The following RNGTT variants were observed in gnomAD, a reference collection of about 807,000 sequenced individuals.
RNGTT encodes the protein mRNA-capping enzyme.
A neutral mutation model predicts 79.3 loss-of-function variants in RNGTT; 33 were observed. The ratio of observed to expected loss-of-function variants is 0.42; its 90% CI spans 0.32 to 0.56. The LOEUF (loss-of-function observed/expected upper bound fraction) is 0.56. Among genes scored for constraint, RNGTT ranks in the 20% least tolerant of loss-of-function variants. RNGTT has a pLI of 0.17. For missense variants in RNGTT, 497 were observed against 739.1 expected, an observed-to-expected ratio of 0.67 and a Z score of 3.80; for synonymous variants, 222 against 235.9, an observed-to-expected ratio of 0.94 and a Z score of 0.54.
intron 11 of RNGTT, among the ~76,000 whole-genome samples, chr6:88,843,193 C>G (rs1781360456): frequency 6.6e-6 from 1 of 151,136 alleles, no homozygotes; most frequent in Non-Finnish European, 1.5e-5. Flanking sequence ...AATGAGCTCT[C>G]TCATCTGCTG....
At chr6:88,761,931 T>G (rs1428442244) in intron 13 of RNGTT, among the ~76,000 whole-genome samples, 4 of 152,042 alleles carry the variant, frequency 2.6e-5, no homozygotes, top group African/African-American at 9.7e-5. Flanking sequence ...AAAGTAAGTG[T>G]CTGGTAACCC....
chr6:88,644,415 C>T (rs1355054805), intron 14 of RNGTT, among the ~76,000 whole-genome samples: 1 of 151,980 alleles, frequency 6.6e-6, no homozygotes, highest in South Asian at 2.1e-4. Flanking sequence ...CCGAATTCTA[C>T]CAGAGGTACA....
intron 6 of RNGTT, among the ~76,000 whole-genome samples, 169 bp downstream of exon 6, chr6:88,904,546 A>G (rs2127942421): frequency 6.6e-6 from 1 of 151,962 alleles, no homozygotes. Context: ...TGGGCAACAG[A>G]GCAAAACTTT....
intron 12 of RNGTT, among the ~76,000 whole-genome samples, chr6:88,773,584 C>T (rs983930218): frequency 1.3e-5 from 2 of 150,474 alleles, no homozygotes; most frequent in Non-Finnish European, 3.0e-5. Flanking sequence ...CTACAGTAAT[C>T]AAAACAGGTG....
chr6:88,896,340 A>T (rs1783246387), intron 6 of RNGTT, among the ~76,000 whole-genome samples: 1 of 152,154 alleles, frequency 6.6e-6, no homozygotes, highest in South Asian at 2.1e-4. Context: ...AATAACCCCT[A>T]ACTCAATCTG....
intron 10 of RNGTT, 103 bp downstream of exon 10, chr6:88,849,652 A>G (rs1211243164): frequency 1.1e-5 from 12 of 1,081,584 alleles, no homozygotes; most frequent in South Asian, 1.0e-4. Flanking sequence ...CTGAGTCACA[A>G]ATTTTCTTTC....
At chr6:88,759,269 G>C (rs2127834911) in intron 13 of RNGTT, among the ~76,000 whole-genome samples, 1 of 152,270 alleles carries the variant, frequency 6.6e-6, no homozygotes, top group South Asian at 2.1e-4. Context: ...TGTTTTTGTT[G>C]GGTTGGGGAT....
At chr6:88,873,631 T>C (rs2127922521) in intron 8 of RNGTT, among the ~76,000 whole-genome samples, 1 of 152,222 alleles carries the variant, frequency 6.6e-6, no homozygotes, top group South Asian at 2.1e-4. Context: ...GCAGCAACCA[T>C]CTCTAACTGG....
intron 8 of RNGTT, among the ~76,000 whole-genome samples, chr6:88,877,392 A>G (rs1185255571): frequency 1.3e-5 from 2 of 152,258 alleles, no homozygotes; most frequent in Non-Finnish European, 2.9e-5. Context: ...GAGGCACTAC[A>G]GATAGCGGCT....
At chr6:88,885,610 A>G (rs994363549) in intron 8 of RNGTT, among the ~76,000 whole-genome samples, 4 of 152,244 alleles carry the variant, frequency 2.6e-5, no homozygotes, top group African/African-American at 9.6e-5. Context: ...AATGTTAAAA[A>G]TAATGGCGAA....
intron 11 of RNGTT, among the ~76,000 whole-genome samples, chr6:88,840,179 A>G (rs1781227945): frequency 6.6e-6 from 1 of 152,204 alleles, no homozygotes. Context: ...GCAAAGATAA[A>G]AATCTCCACA....
intron 14 of RNGTT, among the ~76,000 whole-genome samples, chr6:88,671,378 T>C (rs1183824103): frequency 6.6e-6 from 1 of 152,136 alleles, no homozygotes; most frequent in African/African-American, 2.4e-5. Flanking sequence ...ATAAAATACT[T>C]AGGAATATAC....
intron 2 of RNGTT, among the ~76,000 whole-genome samples, chr6:88,929,915 T>C (rs114353497): frequency 1.9e-3 from 280 of 146,756 alleles, no homozygotes; most frequent in African/African-American, 6.3e-3. Flanking sequence ...TATGCATATA[T>C]ACACGTATAT....
chr6:88,674,991 G>A (rs946754900), intron 14 of RNGTT, among the ~76,000 whole-genome samples: 11 of 151,812 alleles, frequency 7.2e-5, no homozygotes, highest in Admixed American at 3.3e-4. Flanking sequence ...TCAGCTACTC[G>A]GGAGGCTGAG....
At chr6:88,882,498 A>G (rs1258095868) in intron 8 of RNGTT, among the ~76,000 whole-genome samples, 1 of 152,250 alleles carries the variant, frequency 6.6e-6, no homozygotes, top group Non-Finnish European at 1.5e-5. Flanking sequence ...CTAAAGTCTT[A>G]GTGGTGGGGA....
chr6:88,890,214 C>T (rs548598809), intron 8 of RNGTT, among the ~76,000 whole-genome samples: 2 of 152,118 alleles, frequency 1.3e-5, no homozygotes, highest in Non-Finnish European at 2.9e-5. Flanking sequence ...ATACCAAAAA[C>T]CATATCATTA....
intron 11 of RNGTT, among the ~76,000 whole-genome samples, chr6:88,833,502 C>A (rs970995577): frequency 2.0e-5 from 3 of 152,136 alleles, no homozygotes; most frequent in Non-Finnish European, 4.4e-5. Context: ...AACAAACCAC[C>A]ATGGCACATG....
rs933481839 is a variant in RNGTT, at chr6:88,647,749, G to C, written c.1506+30604C>G. Among the ~76,000 whole-genome samples, 3 of 145,598 alleles carry C rather than the reference G, an allele frequency of 2.1e-5. No homozygotes were observed. The East Asian group carries it at 5.9e-4, about 29-fold the overall frequency. The stretch of plus-strand genomic sequence containing the variant: ...GAAGAAAAGAAGGAAGGGAGGAAGG[G>C]AGAGAGGGAGGAGGGGAGGGAACGA... On this transcript the variant is annotated intron_variant, in intron 14 of 15. Transcript: ENST00000369485.
rs1380326368 is a variant in RNGTT, at chr6:88,921,358, T to C, written c.367+7627A>G. ...GTAATCTTTGAATTAGCTGATATAA[T>C]TGTTAATTTATCAATTACAGTTGAC... On this transcript the variant is annotated intron_variant, in intron 4 of 15. Transcript: ENST00000369485. Among the ~76,000 whole-genome samples the C allele has an allele frequency of 7.2e-5, 11 of 152,300 alleles. No individual in the cohort carries two copies. The East Asian group carries it at 1.3e-3, about 19-fold the overall frequency.
Sources: gnomAD v4.1 joint callset for allele counts (sites outside exome capture counted in the v4.1 genomes callset) on GRCh38, gnomAD v4.1.1 for gene constraint, MANE v1.5 for transcripts, NCBI Gene and HGNC (gene_info 2026-07-23, HGNC 2026-07-21) for gene names.